USP47: variants seen among roughly 807,000 people sequenced by gnomAD.
The protein encoded by USP47 is ubiquitin carboxyl-terminal hydrolase 47.
A neutral mutation model predicts 165.1 loss-of-function variants in USP47; 35 were observed. The observed-to-expected ratio is 0.21, with a 90% CI of 0.16 to 0.28. USP47 has a LOEUF of 0.28. USP47 is among the 10% of genes least tolerant of loss of function. The probability of loss-of-function intolerance (pLI) is 1.00; values close to 1 mark genes in which losing one functional copy is unlikely to be tolerated. For missense variants in USP47, 1,277 were observed against 1,607.4 expected (o/e 0.79, Z 3.52); for synonymous variants, 531 against 544.5 (o/e 0.98, Z 0.35).
At chr11:11,893,134 A>T (rs1851647744) in intron 4 of USP47, among the ~76,000 whole-genome samples, 1 of 152,122 alleles carries the variant, frequency 6.6e-6, no homozygotes, top group Non-Finnish European at 1.5e-5. Context: ...TGGCTTTTTT[A>T]TGCAAAGGTT....
intron 4 of USP47, among the ~76,000 whole-genome samples, chr11:11,896,621 T>C (rs1180885472): frequency 6.6e-6 from 1 of 152,200 alleles, no homozygotes. Flanking sequence ...TCTGCTGCTG[T>C]GCTAAGTAAT....
Position 11,902,868 on chromosome 11 carries a change from T to A in USP47, c.739+8T>A, listed in dbSNP as rs769109365. ...GATGGGATAGTAGTGAGGGTACTAA[T>A]TCTCTTGTAATGATAAGCGTTCTAA... On this transcript the variant is annotated splice_region_variant and intron_variant, in intron 6 of 27. Transcript: ENST00000527733. The A allele has an allele frequency of 5.1e-6, 8 of 1,557,598 alleles. No individual in the cohort carries two copies. The highest frequency in any genetic ancestry group is 6.9e-6 in the Non-Finnish European group (8 of 1,157,256).
At chr11:11,944,247 G>A (rs971161615) in intron 20 of USP47, among the ~76,000 whole-genome samples, 2 of 150,908 alleles carry the variant, frequency 1.3e-5, no homozygotes, top group Non-Finnish European at 2.9e-5. Flanking sequence ...ATCTCATGGG[G>A]AGGAGGTGCA....
rs1856548789 is a variant in USP47, at chr11:11,956,169, A to G, written c.4062A>G (p.Gln1354=). 6.2e-7 allele frequency: 1 copy of G among 1,614,062 alleles called. No homozygotes were observed. Among genetic ancestry groups the G allele is most frequent in the Non-Finnish European group, 8.5e-7 (1 of 1,179,958 alleles). ...LDGAPNKDLT[Q]D ...GAGCACCAAATAAAGATCTGACTCA[A>G]GACTGACTCTGATAGTGTAGCATTT... The change falls in exon 28 of 28, where the codon CAA becomes CAG. Residue 1354 remains glutamine, a synonymous_variant. Transcript: ENST00000527733.
chr11:11,875,027 G>C (rs991539681), intron 1 of USP47, among the ~76,000 whole-genome samples: 1 of 139,422 alleles, frequency 7.2e-6, no homozygotes, highest in Non-Finnish European at 1.5e-5. Context: ...AGAGAAAATT[G>C]ACTTATTGTG....
chr11:11,862,851 C>G (rs888872078), intron 1 of USP47, among the ~76,000 whole-genome samples: 3 of 152,108 alleles, frequency 2.0e-5, no homozygotes, highest in Non-Finnish European at 2.9e-5. Flanking sequence ...GCCACCACAC[C>G]CAGCCTACAA....
At position 11,919,526 on chromosome 11, in the gene USP47, G is replaced by A. The variant is rs541709282; in HGVS notation, c.970-630G>A. Reference sequence around the variant, plus strand: ...TCTTACTTCTGTTGTAATGCTGTATGGAGAAAAGAGAACCACGTGGTTCTA... The same window carrying A: ...TCTTACTTCTGTTGTAATGCTGTATAGAGAAAAGAGAACCACGTGGTTCTA... On this transcript the variant is annotated intron_variant, in intron 8 of 27. Coordinates refer to ENST00000527733, the MANE Select transcript of USP47 (RefSeq NM_001282659.2). Among the ~76,000 whole-genome samples, 69 of 151,916 alleles carry A rather than the reference G, an allele frequency of 4.5e-4. 1 individual carries two copies. Among genetic ancestry groups the A allele is most frequent in the African/African-American group, 1.6e-3 (66 of 41,516 alleles).
chr11:11,857,736 G>T (rs147260021), intron 1 of USP47, among the ~76,000 whole-genome samples: 1 of 152,180 alleles, frequency 6.6e-6, no homozygotes, highest in Non-Finnish European at 1.5e-5. Context: ...CCTTTTCTGC[G>T]TGGCAGATGG....
chr11:11,874,327 T>C (rs1041710563), intron 1 of USP47, among the ~76,000 whole-genome samples: 6 of 152,332 alleles, frequency 3.9e-5, no homozygotes, highest in Middle Eastern at 3.4e-3. Flanking sequence ...CCCTTTGCTC[T>C]GTTTTTTCCC....
chr11:11,935,418 A>G (rs1049012580), intron 16 of USP47, among the ~76,000 whole-genome samples: 4 of 151,980 alleles, frequency 2.6e-5, no homozygotes, highest in African/African-American at 9.7e-5. Context: ...TTTAAATATA[A>G]TGGTGGACTG....
intron 1 of USP47, among the ~76,000 whole-genome samples, chr11:11,873,417 C>A (rs1850198872): frequency 6.6e-6 from 1 of 152,060 alleles, no homozygotes; most frequent in African/African-American, 2.4e-5. Flanking sequence ...TTAAGAGTAG[C>A]TGTCGTGAAA....
At position 11,938,360 on chromosome 11, in the gene USP47, A is replaced by G. The variant is rs1855225774; in HGVS notation, c.2181A>G (p.Gln727=). The part of the protein sequence containing the change: ...YLNQTVTEFK[Q]LISKAIHLPA... The stretch of plus-strand genomic sequence containing the variant: ...ATCAGACAGTTACAGAATTCAAACA[A>G]CTGATTTCAAAGGTAAGTTTTAAAA... The change falls in exon 18 of 28, where the codon CAA becomes CAG. Residue 727 remains glutamine, a synonymous_variant. Transcript: ENST00000527733. 1 of 1,611,482 alleles carries G rather than the reference A, an allele frequency of 6.2e-7. No individual in the cohort carries two copies. Among genetic ancestry groups the G allele is most frequent in the African/African-American group, 1.3e-5 (1 of 74,786 alleles).
chr11:11,850,389 G>T (rs1848657657), intron 1 of USP47, among the ~76,000 whole-genome samples: 3 of 132,836 alleles, frequency 2.3e-5, no homozygotes, highest in Admixed American at 7.8e-5. Flanking sequence ...GCTATAATAT[G>T]TATAGTTTCC....
At chr11:11,947,917 C>T in intron 20 of USP47, 28 bp from the exon 21 acceptor site, 2 of 1,564,596 alleles carry the variant, frequency 1.3e-6, no homozygotes, top group Non-Finnish European at 1.7e-6. Context: ...CATTTTTGTT[C>T]CTGTTTTGGT....
At chr11:11,886,056 A>C (rs565238797) in intron 3 of USP47, among the ~76,000 whole-genome samples, 1 of 152,322 alleles carries the variant, frequency 6.6e-6, no homozygotes, top group Admixed American at 6.5e-5. Context: ...AATAACAATA[A>C]TATCAACAGA....
chr11:11,854,951 C>T (rs560821697), intron 1 of USP47, among the ~76,000 whole-genome samples: 3 of 149,482 alleles, frequency 2.0e-5, no homozygotes, highest in Non-Finnish European at 3.0e-5. Flanking sequence ...AAAAATTAGC[C>T]GGGTGCAGTG....
chr11:11,891,972 A>C lies in USP47; in HGVS notation c.362A>C (p.Asp121Ala), dbSNP rs752932104. 1.9e-6 allele frequency: 3 copies of C among 1,610,476 alleles called. No individual in the cohort carries two copies. Among genetic ancestry groups the C allele is most frequent in the Non-Finnish European group, 2.5e-6 (3 of 1,178,814 alleles). ...TTTGAATATGTTGCATTTTAGGAGG[A>C]TTCCAGTGCTGGGGAAGACAGTGTT... Reference protein sequence around the residue: ...DGEQPQILLEDSSAGEDSVHD... With the variant: ...DGEQPQILLEASSAGEDSVHD... Residue 121 changes from aspartate to alanine, a missense_variant, in exon 4 of 28, where the codon GAT becomes GCT. This residue lies in a region of USP47 where 181 missense variants were observed against 194.7 expected (regional missense o/e 0.93). Transcript: ENST00000527733.
At chr11:11,908,637 T>C (rs996713538) in intron 8 of USP47, among the ~76,000 whole-genome samples, 1 of 152,116 alleles carries the variant, frequency 6.6e-6, no homozygotes, top group Non-Finnish European at 1.5e-5. Flanking sequence ...ATTTTTATAA[T>C]GAGTGCTGGG....
At chr11:11,936,655 C>T in intron 17 of USP47, 145 bp downstream of exon 17, 1 of 610,868 alleles carries the variant, frequency 1.6e-6, no homozygotes, top group Non-Finnish European at 2.6e-6. Context: ...GAGAAGTACT[C>T]AGCAACAGCT....
Sources: gnomAD v4.1 joint callset for allele counts (sites outside exome capture counted in the v4.1 genomes callset) on GRCh38, gnomAD v4.1.1 for gene constraint, gnomAD v4.1.1 regional missense constraint, MANE v1.5 for transcripts, NCBI Gene and HGNC (gene_info 2026-07-23, HGNC 2026-07-21) for gene names.